Variants in FOCAD observed in about 807,000 individuals in gnomAD.
The protein encoded by FOCAD is KIAA1797.
In FOCAD, 198 loss-of-function variants were observed where a neutral mutation model predicts 225.6. That is an observed-to-expected ratio of 0.88 (90% CI 0.78 to 0.99). The LOEUF (loss-of-function observed/expected upper bound fraction) is 0.99. Among genes scored for constraint, FOCAD ranks in the 50% least tolerant of loss-of-function variants. The pLI, the probability that FOCAD is intolerant of heterozygous loss-of-function variation, is 0.00. For synonymous variants in FOCAD, 897 were observed against 755.0 expected, an observed-to-expected ratio of 1.19 and a Z score of -3.08; for missense variants, 2,713 against 2,123.6, an observed-to-expected ratio of 1.28 and a Z score of -5.46.
chr9:20,923,522 C>A, intron 24 of FOCAD, 138 bp from the exon 25 acceptor site: 1 of 606,964 alleles, frequency 1.6e-6, no homozygotes, highest in South Asian at 2.2e-5. Context: ...CCTAACACAA[C>A]AAACAGACCT....
chr9:20,681,068 A>G (rs775996919), upstream of FOCAD, among the ~76,000 whole-genome samples: 6 of 152,224 alleles, frequency 3.9e-5, no homozygotes, highest in Non-Finnish European at 7.3e-5. Flanking sequence ...GCAATTAGTC[A>G]TATGACATTG....
intron 42 of FOCAD, among the ~76,000 whole-genome samples, chr9:20,991,919 TTA>T (rs2132712151): frequency 6.6e-6 from 1 of 152,280 alleles, no homozygotes; most frequent in South Asian, 2.1e-4. Context: ...CTTGCATTGA[TTA>T]TATATTTGTA....
rs1219772218 is a variant in FOCAD, at chr9:20,778,708, G to T, written c.934G>T (p.Gly312Ter). 3 of 1,611,700 alleles carry T rather than the reference G, an allele frequency of 1.9e-6. No homozygotes were observed. The African/African-American group carries it at 4.0e-5, about 22-fold the overall frequency. Residue 312 changes from glycine to a stop codon, truncating the protein, a stop_gained, in exon 9 of 44, where the codon GGA (glycine) becomes TGA (stop). Transcript: ENST00000338382. LOFTEE classifies it high-confidence loss of function. ...EDFPVELVIIGIALLLLQTPA... is the reference protein window; with the variant it reads ...EDFPVELVII ...TTTTCCTGTTGAACTGGTCATAATT[G>T]GAATAGCTTTACTACTTCTACAGAC...
chr9:20,951,655 T>C (rs1289920853), intron 34 of FOCAD, among the ~76,000 whole-genome samples: 7 of 152,228 alleles, frequency 4.6e-5, no homozygotes, highest in Non-Finnish European at 1.0e-4. Context: ...AGCCTTGGAA[T>C]TGAAATTCTA....
At chr9:20,884,087 A>G (rs184059200) in intron 20 of FOCAD, among the ~76,000 whole-genome samples, 1 of 152,308 alleles carries the variant, frequency 6.6e-6, no homozygotes, top group African/African-American at 2.4e-5. Context: ...TCATGTGTTC[A>G]TGAAGATTAA....
chr9:20,924,456 T>C (rs1225093111), intron 25 of FOCAD, among the ~76,000 whole-genome samples: 1 of 152,166 alleles, frequency 6.6e-6, no homozygotes, highest in Non-Finnish European at 1.5e-5. Context: ...AGAACCTATT[T>C]CTCCATCTGT....
At chr9:20,853,930 C>T (rs1827916437) in intron 15 of FOCAD, among the ~76,000 whole-genome samples, 1 of 151,690 alleles carries the variant, frequency 6.6e-6, no homozygotes, top group African/African-American at 2.4e-5. Flanking sequence ...TTCAAAATCT[C>T]TCTTATCCCG....
chr9:20,689,824 A>G (rs1199443511), intron 1 of FOCAD, among the ~76,000 whole-genome samples: 8 of 152,212 alleles, frequency 5.3e-5, no homozygotes. Flanking sequence ...CCATCAAGTC[A>G]TTATAGTTTC....
chr9:20,659,063 T>A (rs535913726), intron 2 of FOCAD, among the ~76,000 whole-genome samples: 1 of 152,022 alleles, frequency 6.6e-6, no homozygotes, highest in South Asian at 2.1e-4. Context: ...TACTAAAAAT[T>A]CAAAAAATTA....
chr9:20,728,235 A>C (rs932713804), intron 4 of FOCAD, among the ~76,000 whole-genome samples: 4 of 152,186 alleles, frequency 2.6e-5, no homozygotes, highest in African/African-American at 9.6e-5. Context: ...GCTTGGGACC[A>C]GAAGTGTTTC....
chr9:20,907,669 T>A (rs889733506), intron 22 of FOCAD, among the ~76,000 whole-genome samples: 9 of 152,084 alleles, frequency 5.9e-5, no homozygotes, highest in African/African-American at 1.9e-4. Flanking sequence ...ATTTCTTTGT[T>A]TTCCTAAACT....
intron 15 of FOCAD, among the ~76,000 whole-genome samples, chr9:20,840,820 C>G (rs1826447967): frequency 6.6e-6 from 1 of 151,940 alleles, no homozygotes; most frequent in African/African-American, 2.4e-5. Context: ...GGAAGAATTT[C>G]AGCTTTCCCT....
At chr9:20,761,934 A>G (rs1829640011) in intron 6 of FOCAD, among the ~76,000 whole-genome samples, 1 of 152,182 alleles carries the variant, frequency 6.6e-6, no homozygotes, top group South Asian at 2.1e-4. Context: ...CGAAGTGATG[A>G]TTAATCATCA....
chr9:20,800,755 T>A (rs1333568564), intron 11 of FOCAD, among the ~76,000 whole-genome samples: 1 of 152,150 alleles, frequency 6.6e-6, no homozygotes, highest in Non-Finnish European at 1.5e-5. Context: ...TCGTCTAATT[T>A]TTTTTCAAGG....
chr9:20,855,962 A>G (rs891847571), intron 15 of FOCAD, among the ~76,000 whole-genome samples: 5 of 151,814 alleles, frequency 3.3e-5, no homozygotes, highest in South Asian at 4.1e-4. Context: ...TTGTGTGTCT[A>G]TACCACATTT....
intron 7 of FOCAD, among the ~76,000 whole-genome samples, chr9:20,767,066 T>C (rs1830112207): frequency 1.3e-5 from 2 of 151,298 alleles, no homozygotes; most frequent in Non-Finnish European, 2.9e-5. Context: ...TGAGTGAGAA[T>C]ATGTGGTGTT....
chr9:20,911,374 C>T lies in FOCAD; in HGVS notation c.2719-1492C>T, dbSNP rs977422649. 5.9e-5 allele frequency among the ~76,000 whole-genome samples: 9 copies of T among 152,030 alleles called. No individual in the cohort carries two copies. In the South Asian group the frequency reaches 1.2e-3, roughly 21 times the overall value. ...TGCTAAATACACAAACTCTGTAGAT[C>T]GATAAATAGTCCTTGACCTCACAGG... On this transcript the variant is annotated intron_variant, in intron 22 of 43. Coordinates refer to ENST00000338382, the MANE Select transcript of FOCAD (RefSeq NM_001375567.1).
chr9:20,876,081 C>A (rs1239854232), intron 19 of FOCAD, among the ~76,000 whole-genome samples: 1 of 152,148 alleles, frequency 6.6e-6, no homozygotes, highest in Non-Finnish European at 1.5e-5. Context: ...TATTTCTAGA[C>A]AAAGCTCCTT....
intron 7 of FOCAD, 99 bp from the exon 8 acceptor site, chr9:20,769,933 T>C (rs1348915205): frequency 9.2e-7 from 1 of 1,091,656 alleles, no homozygotes; most frequent in African/African-American, 1.6e-5. Flanking sequence ...CTTTATAGGT[T>C]TAGAGAAAAA....
Sources: allele counts gnomAD v4.1 joint callset (sites outside exome capture counted in the v4.1 genomes callset), GRCh38; gene constraint gnomAD v4.1.1; transcripts MANE v1.5; gene names NCBI Gene and HGNC (gene_info 2026-07-23, HGNC 2026-07-21).